The following DOCK9 variants were observed in gnomAD, a reference collection of about 807,000 sequenced individuals.
The protein encoded by DOCK9 is dedicator of cytokinesis protein 9.
Under a neutral mutation model 263.3 loss-of-function variants are expected in DOCK9, and 89 were observed. That is an observed-to-expected ratio of 0.34 (90% CI 0.28 to 0.40). DOCK9 has a LOEUF of 0.40. Among genes scored for constraint, DOCK9 ranks in the 10% least tolerant of loss-of-function variants. DOCK9 has a pLI of 1.00. For synonymous variants in DOCK9, 976 were observed against 973.1 expected (o/e 1.00, Z -0.06); for missense variants, 2,140 against 2,603.4 (o/e 0.82, Z 3.87).
In DOCK9 at chr13:98,860,470, G is replaced by A. The variant is rs537800892; in HGVS notation, c.3632C>T (p.Pro1211Leu). The A allele has an allele frequency of 3.7e-5, 59 of 1,589,308 alleles. No homozygotes were observed. In the East Asian group the frequency reaches 1.1e-3, roughly 29 times the overall value. Residue 1211 changes from proline (P) to leucine (L), a missense_variant, in exon 33 of 53, where the codon CCG becomes CTG. By Grantham distance (98) the Pro-to-Leu change is moderately conservative. Coordinates refer to ENST00000682017, the MANE Select transcript of DOCK9 (RefSeq NM_001366683.2). ...GTTGTCCAGGGTGCTTCCCTTCTGCGGCGTCACCAGCGGATTCACAGCTGG... is the reference window on the plus strand; with the variant it reads ...GTTGTCCAGGGTGCTTCCCTTCTGCAGCGTCACCAGCGGATTCACAGCTGG... ...ALPAVNPLVT[P>L]QKGSTLDNSL...
chr13:99,080,590 G>A (rs1332271699), intron 1 of DOCK9, among the ~76,000 whole-genome samples: 3 of 151,986 alleles, frequency 2.0e-5, no homozygotes, highest in Non-Finnish European at 2.9e-5. Flanking sequence ...CTCCTTCTTG[G>A]TCCTACCTGA....
chr13:98,964,170 G>A (rs900973388), intron 1 of DOCK9, among the ~76,000 whole-genome samples: 1 of 152,200 alleles, frequency 6.6e-6, no homozygotes, highest in African/African-American at 2.4e-5. Flanking sequence ...TGAACAATCA[G>A]CAGAATGAAT....
rs762625739 is a variant in DOCK9, at chr13:98,880,636, A to T, written c.2782T>A (p.Tyr928Asn). 6.2e-7 allele frequency: 1 copy of T among 1,613,792 alleles called. No individual in the cohort carries two copies. The highest frequency in any genetic ancestry group is 2.2e-5 in the East Asian group (1 of 44,876). ...GTCAGTTCTTCATGCACTGTCTTGT[A>T]TTCAGAGGCAACATATGGCTCAGCC... Reference protein sequence around the residue: ...YKAEPYVASEYKTVHEELTKS... With the variant: ...YKAEPYVASENKTVHEELTKS... Residue 928 changes from tyrosine (Y) to asparagine (N), a missense_variant, in exon 26 of 53, where the codon TAC becomes AAC. Around this residue, in one of 2 missense-constraint regions of DOCK9, gnomAD observed 1,521 missense variants for 1,741.7 expected, o/e 0.87. Coordinates refer to ENST00000682017, the MANE Select transcript of DOCK9 (RefSeq NM_001366683.2).
intron 33 of DOCK9, chr13:98,860,076 C>T: frequency 1.4e-6 from 1 of 720,236 alleles, no homozygotes; most frequent in Non-Finnish European, 1.8e-6. Context: ...TCCCCTCCCC[C>T]CACCACCTGC....
intron 1 of DOCK9, among the ~76,000 whole-genome samples, chr13:98,966,343 C>A (rs2059194101): frequency 6.6e-6 from 1 of 152,214 alleles, no homozygotes; most frequent in African/African-American, 2.4e-5. Flanking sequence ...AGGTAGAGCG[C>A]CTGCAGTGGG....
chr13:99,050,337 C>G (rs933562407), intron 1 of DOCK9, among the ~76,000 whole-genome samples: 1 of 152,162 alleles, frequency 6.6e-6, no homozygotes, highest in Admixed American at 6.5e-5. Flanking sequence ...ATATCCGAGA[C>G]AGCGAAACCT....
chr13:98,825,855 C>G lies in DOCK9; in HGVS notation c.5023+975G>C, dbSNP rs2092509465. 1.3e-6 allele frequency: 2 copies of G among 1,506,254 alleles called. No homozygotes were observed. Among genetic ancestry groups the G allele is most frequent in the Non-Finnish European group, 1.8e-6 (2 of 1,123,542 alleles). 93.3% of individuals were successfully genotyped at this position (1,506,254 alleles called of 1,614,324 possible). A position where few individuals can be genotyped will look rare whatever the true frequency, so the allele number is the denominator to read the frequency against. On this transcript the variant is annotated intron_variant, in intron 44 of 52. Transcript: ENST00000682017. The surrounding 1 kb of genome is among the most constrained non-coding windows in gnomAD (Gnocchi z 4.1). ...GGGCAGGGGGTCCCCGGGGGCTGGG[C>G]TGATCCTCAGGCTCACCTCCCCGGC...
chr13:98,886,429 G>A, intron 19 of DOCK9, 103 bp downstream of exon 19: 3 of 776,494 alleles, frequency 3.9e-6, no homozygotes, highest in South Asian at 1.9e-5. Context: ...TGTAATTTCA[G>A]TGTAATATGC....
chr13:99,055,531 A>C (rs1216855067), intron 1 of DOCK9, among the ~76,000 whole-genome samples: 1 of 152,098 alleles, frequency 6.6e-6, no homozygotes, highest in African/African-American at 2.4e-5. Flanking sequence ...ATTAGAAGAG[A>C]GGAGCAGCCA....
intron 1 of DOCK9, among the ~76,000 whole-genome samples, chr13:99,011,025 G>A (rs905216898): frequency 6.6e-6 from 1 of 152,192 alleles, no homozygotes; most frequent in Non-Finnish European, 1.5e-5. Context: ...AGCCTCCTGA[G>A]TAGCTGGGAT....
chr13:98,913,053 T>C (rs2050307726), intron 9 of DOCK9, among the ~76,000 whole-genome samples: 2 of 152,164 alleles, frequency 1.3e-5, no homozygotes, highest in Non-Finnish European at 2.9e-5. Flanking sequence ...TTAGCTTTAA[T>C]AGGCAGGTGC....
At chr13:98,870,012 T>G (rs181472513) in intron 27 of DOCK9, among the ~76,000 whole-genome samples, 26 of 152,360 alleles carry the variant, frequency 1.7e-4, no homozygotes, top group Non-Finnish European at 3.7e-4. Flanking sequence ...TACCAACTCA[T>G]GATTGTCCAA....
At chr13:98,996,260 G>T (rs748705226) in intron 1 of DOCK9, among the ~76,000 whole-genome samples, 16 of 152,156 alleles carry the variant, frequency 1.1e-4, no homozygotes, top group Non-Finnish European at 1.8e-4. Context: ...AGTGCTGCTC[G>T]TAATTACCAC....
chr13:99,081,031 A>G (rs1372929152), intron 1 of DOCK9, among the ~76,000 whole-genome samples: 2 of 152,192 alleles, frequency 1.3e-5, no homozygotes, highest in African/African-American at 4.8e-5. Context: ...ACTAGAAGCC[A>G]AAGGAATGGA....
At chr13:99,024,071 T>C (rs991040541) in intron 1 of DOCK9, among the ~76,000 whole-genome samples, 1 of 152,178 alleles carries the variant, frequency 6.6e-6, no homozygotes, top group African/African-American at 2.4e-5. Context: ...AGCAAAACCA[T>C]GGTTTCTTAG....
chr13:98,913,469 A>G (rs985333340), intron 9 of DOCK9, among the ~76,000 whole-genome samples: 2 of 152,236 alleles, frequency 1.3e-5, no homozygotes, highest in Non-Finnish European at 2.9e-5. Flanking sequence ...AAGTCTATAT[A>G]GTACAAATAA....
intron 44 of DOCK9, 140 bp downstream of exon 44, chr13:98,826,690 G>A (rs761217299): frequency 6.3e-5 from 41 of 654,766 alleles, no homozygotes; most frequent in Non-Finnish European, 9.3e-5. Context: ...CAAACATCAC[G>A]CCAGGGGATA....
intron 1 of DOCK9, among the ~76,000 whole-genome samples, chr13:99,080,148 A>C (rs2042070872): frequency 6.6e-6 from 1 of 152,150 alleles, no homozygotes; most frequent in South Asian, 2.1e-4. Context: ...TTTCACTATA[A>C]TTTATTTCAG....
intron 1 of DOCK9, among the ~76,000 whole-genome samples, chr13:99,006,390 CA>C (rs1883342575): frequency 6.6e-6 from 1 of 152,196 alleles, no homozygotes; most frequent in Admixed American, 6.5e-5. Flanking sequence ...TAGATCCACA[CA>C]GATTTTTGGG....
Sources: gnomAD v4.1 joint callset for allele counts (sites outside exome capture counted in the v4.1 genomes callset) on GRCh38, gnomAD v4.1.1 for gene constraint, gnomAD v4.1.1 regional missense constraint, Gnocchi (gnomAD v3.1) non-coding constraint, MANE v1.5 for transcripts, NCBI Gene and HGNC (gene_info 2026-07-23, HGNC 2026-07-21) for gene names.